GRM1: variants seen among roughly 807,000 people sequenced by gnomAD.
The protein encoded by GRM1 is metabotropic glutamate receptor 1.
In GRM1, 33 loss-of-function variants were observed where a neutral mutation model predicts 90.9. The ratio of observed to expected loss-of-function variants is 0.36; its 90% CI spans 0.28 to 0.49. The LOEUF (loss-of-function observed/expected upper bound fraction) is 0.49. Ranked by LOEUF, GRM1 falls within the 20% of genes least tolerant of loss-of-function variation. The pLI, the probability that GRM1 is intolerant of heterozygous loss-of-function variation, is 0.99. For synonymous variants in GRM1, 700 were observed against 613.2 expected (o/e 1.14, Z -2.09); for missense variants, 1,190 against 1,534.3 (o/e 0.78, Z 3.75).
intron 1 of GRM1, among the ~76,000 whole-genome samples, chr6:146,100,788 T>C (rs536387218): frequency 6.6e-6 from 1 of 152,350 alleles, no homozygotes; most frequent in South Asian, 2.1e-4. Context: ...GCTGGTAATA[T>C]GAAATTCATT....
chr6:146,248,704 CT>C (rs1333438191), intron 2 of GRM1, among the ~76,000 whole-genome samples: 1 of 152,144 alleles, frequency 6.6e-6, no homozygotes, highest in Admixed American at 6.5e-5. Flanking sequence ...GTGGAAGCAA[CT>C]TTGGAACTGG....
intron 2 of GRM1, among the ~76,000 whole-genome samples, chr6:146,162,528 C>T (rs544862669): frequency 6.6e-6 from 1 of 152,142 alleles, no homozygotes; most frequent in Non-Finnish European, 1.5e-5. Context: ...ACCTCAGAAT[C>T]GGACCTCTTG....
At chr6:146,304,928 A>G in intron 3 of GRM1, 82 bp downstream of exon 3, 1 of 990,106 alleles carries the variant, frequency 1.0e-6, no homozygotes, top group Non-Finnish European at 1.6e-6. Context: ...TGAGAATAGA[A>G]GGTGCCAGGG....
intron 5 of GRM1, among the ~76,000 whole-genome samples, chr6:146,375,008 A>G (rs1037201809): frequency 1.3e-5 from 2 of 152,024 alleles, no homozygotes; most frequent in African/African-American, 2.4e-5. Context: ...ACTTACAGCT[A>G]TAAACTTCCC....
chr6:146,253,441 G>A (rs1167070650), intron 2 of GRM1, among the ~76,000 whole-genome samples: 1 of 152,088 alleles, frequency 6.6e-6, no homozygotes, highest in Non-Finnish European at 1.5e-5. Context: ...ATGAAAAATG[G>A]GGTTGTTCAG....
chr6:146,321,434 T>C (rs1321955249), intron 3 of GRM1, among the ~76,000 whole-genome samples: 1 of 152,364 alleles, frequency 6.6e-6, no homozygotes, highest in Non-Finnish European at 1.5e-5. Context: ...CTGAGAAGAA[T>C]GTATATTCTG....
chr6:146,305,281 A>G (rs907317596), intron 3 of GRM1, among the ~76,000 whole-genome samples: 2 of 152,090 alleles, frequency 1.3e-5, no homozygotes, highest in African/African-American at 4.8e-5. Flanking sequence ...CACGACCAAC[A>G]AAAGTGTTTG....
At chr6:146,303,026 C>T (rs1783449088) in intron 2 of GRM1, among the ~76,000 whole-genome samples, 2 of 152,184 alleles carry the variant, frequency 1.3e-5, no homozygotes, top group East Asian at 1.9e-4. Flanking sequence ...TCTACTGTAG[C>T]TCAAAGTCCC....
chr6:146,399,745 G>A lies in GRM1; in HGVS notation c.2660+46G>A. On this transcript the variant is annotated intron_variant, in intron 7 of 7. Coordinates refer to ENST00000282753, the MANE Select transcript of GRM1 (RefSeq NM_001278064.2). This position sits in a 1 kb window ranked among gnomAD's most constrained non-coding sequence, Gnocchi z 5.4. ...GTCTCTCTTTTCTCTTCCTTTCTCT[G>A]TCTCTTTCTCTCTCTCTCTCTCTCT... 1 of 1,299,686 alleles carries A rather than the reference G, an allele frequency of 7.7e-7. No homozygotes were observed. The highest frequency in any genetic ancestry group is 1.2e-5 in the South Asian group (1 of 80,750). The allele number at this position is 1,299,686 out of a possible 1,614,324, so 80.5% of individuals were successfully genotyped here. A position where few individuals can be genotyped will look rare whatever the true frequency, so the allele number is the denominator to read the frequency against.
At chr6:146,424,964 T>A (rs1778144299) in intron 7 of GRM1, among the ~76,000 whole-genome samples, 1 of 152,230 alleles carries the variant, frequency 6.6e-6, no homozygotes, top group African/African-American at 2.4e-5. Context: ...AGTAGGCATC[T>A]TGAATGTCAG....
intron 3 of GRM1, among the ~76,000 whole-genome samples, chr6:146,329,114 A>C (rs1784501546): frequency 6.6e-6 from 1 of 152,100 alleles, no homozygotes; most frequent in African/African-American, 2.4e-5. Flanking sequence ...CCATTGTCAA[A>C]CTTTTCTCTT....
intron 2 of GRM1, among the ~76,000 whole-genome samples, chr6:146,259,772 T>G (rs1781615190): frequency 6.6e-6 from 1 of 152,102 alleles, no homozygotes; most frequent in African/African-American, 2.4e-5. Flanking sequence ...TGGCATACAC[T>G]ATCTCTTTGT....
chr6:146,151,962 A>G (rs1178895513), intron 1 of GRM1, among the ~76,000 whole-genome samples: 1 of 152,166 alleles, frequency 6.6e-6, no homozygotes, highest in Admixed American at 6.6e-5. Flanking sequence ...TTGTCACATA[A>G]CTAAGATAAA....
intron 1 of GRM1, among the ~76,000 whole-genome samples, chr6:146,150,375 A>G (rs1414044664): frequency 6.6e-6 from 1 of 152,168 alleles, no homozygotes; most frequent in East Asian, 1.9e-4. Flanking sequence ...TATTCACAGA[A>G]ATTCTTATTT....
chr6:146,107,880 A>G (rs972822586), intron 1 of GRM1, among the ~76,000 whole-genome samples: 3 of 152,156 alleles, frequency 2.0e-5, no homozygotes, highest in African/African-American at 7.2e-5. Flanking sequence ...ATTGAGTCTT[A>G]ATCATAAAAG....
chr6:146,427,726 CTG>C (rs1183650056), intron 7 of GRM1, among the ~76,000 whole-genome samples: 1 of 152,152 alleles, frequency 6.6e-6, no homozygotes, highest in African/African-American at 2.4e-5. Flanking sequence ...CAGGTAGTAA[CTG>C]AGAGGTGTCT....
chr6:146,183,477 G>A (rs1262439604), intron 2 of GRM1, among the ~76,000 whole-genome samples: 1 of 152,100 alleles, frequency 6.6e-6, no homozygotes, highest in Non-Finnish European at 1.5e-5. Flanking sequence ...ATAAAGTGAC[G>A]GAGGTAGAGG....
chr6:146,187,863 T>A (rs1463273164), intron 2 of GRM1, among the ~76,000 whole-genome samples: 2 of 152,018 alleles, frequency 1.3e-5, no homozygotes, highest in Non-Finnish European at 2.9e-5. Context: ...TTTTCTATAA[T>A]CGGTAAGAAC....
intron 2 of GRM1, among the ~76,000 whole-genome samples, chr6:146,212,267 C>T (rs1175290695): frequency 6.6e-6 from 1 of 152,146 alleles, no homozygotes. Flanking sequence ...CATCTGAAGA[C>T]CATCACAACA....
Sources: allele counts gnomAD v4.1 joint callset (sites outside exome capture counted in the v4.1 genomes callset), GRCh38; gene constraint gnomAD v4.1.1; non-coding constraint Gnocchi (gnomAD v3.1); transcripts MANE v1.5; gene names NCBI Gene and HGNC (gene_info 2026-07-23, HGNC 2026-07-21).